Variants in SPATS2L observed in about 807,000 individuals in gnomAD.
The protein encoded by SPATS2L is spermatogenesis associated serine rich 2 like, also known as SPATS2-like protein.
Under a neutral mutation model 59.6 loss-of-function variants are expected in SPATS2L, and 30 were observed. That is an observed-to-expected ratio of 0.50 (90% confidence interval 0.38 to 0.68). The LOEUF is 0.68. SPATS2L is among the 30% of genes least tolerant of loss of function. The pLI, the probability that SPATS2L is intolerant of heterozygous loss-of-function variation, is 0.00. For synonymous variants in SPATS2L, 252 were observed against 263.5 expected, an observed-to-expected ratio of 0.96 and a Z score of 0.42; for missense variants, 615 against 700.0, an observed-to-expected ratio of 0.88 and a Z score of 1.37.
At chr2:200,467,451 A>T (rs529807905) in intron 10 of SPATS2L, 52 bp downstream of exon 10, 18 of 1,303,950 alleles carry the variant, frequency 1.4e-5, no homozygotes, top group Non-Finnish European at 1.1e-5. Flanking sequence ...GCTGATCCCA[A>T]TTATGTTTGT....
chr2:200,306,301 A>T (rs374565413), upstream of SPATS2L: 18 of 1,002,404 alleles, frequency 1.8e-5, no homozygotes, highest in East Asian at 1.0e-3. Flanking sequence ...GGGTAGGAGA[A>T]GATGATTCTC....
chr2:200,322,513 C>T (rs922630045), intron 1 of SPATS2L, among the ~76,000 whole-genome samples: 9 of 152,238 alleles, frequency 5.9e-5, no homozygotes, highest in Non-Finnish European at 4.4e-5. Flanking sequence ...TATAGGTATA[C>T]GAGAGACAAA....
intron 8 of SPATS2L, among the ~76,000 whole-genome samples, chr2:200,443,372 C>G (rs150272281): frequency 6.6e-6 from 1 of 152,256 alleles, no homozygotes; most frequent in Non-Finnish European, 1.5e-5. Context: ...TTAGAGAAAA[C>G]TTTGAGTGAA....
At chr2:200,313,019 T>C (rs1397812906) in intron 1 of SPATS2L, among the ~76,000 whole-genome samples, 1 of 152,210 alleles carries the variant, frequency 6.6e-6, no homozygotes, top group Non-Finnish European at 1.5e-5. Context: ...AAACTGAAGC[T>C]CAGGGAAGTT....
intron 2 of SPATS2L, among the ~76,000 whole-genome samples, chr2:200,331,443 C>T (rs1559044726): frequency 1.3e-5 from 2 of 152,276 alleles, no homozygotes; most frequent in South Asian, 4.1e-4. Flanking sequence ...ATGTTTTTCC[C>T]CCTAGGATTC....
intron 6 of SPATS2L, among the ~76,000 whole-genome samples, chr2:200,429,305 G>GAC (rs1207992749): frequency 2.6e-5 from 4 of 152,180 alleles, no homozygotes; most frequent in Non-Finnish European, 5.9e-5. Context: ...GGTAAAAGAG[G>GAC]ACCATAAGGT....
At chr2:200,407,647 T>C (rs2082733868) in intron 3 of SPATS2L, among the ~76,000 whole-genome samples, 1 of 152,180 alleles carries the variant, frequency 6.6e-6, no homozygotes, top group South Asian at 2.1e-4. Flanking sequence ...ATACCATGAG[T>C]ACCTTATTCT....
intron 3 of SPATS2L, among the ~76,000 whole-genome samples, chr2:200,402,435 T>C (rs1286465936): frequency 1.3e-5 from 2 of 152,222 alleles, no homozygotes; most frequent in African/African-American, 4.8e-5. Flanking sequence ...CACTCAGTCC[T>C]ATCTCTTCAT....
chr2:200,399,312 C>T (rs972655892), intron 3 of SPATS2L, among the ~76,000 whole-genome samples: 3 of 152,092 alleles, frequency 2.0e-5, no homozygotes, highest in African/African-American at 7.2e-5. Context: ...TGAGGGGAGT[C>T]GTGTAGTATT....
intron 2 of SPATS2L, among the ~76,000 whole-genome samples, chr2:200,330,426 T>C (rs963113788): frequency 2.0e-5 from 3 of 152,224 alleles, no homozygotes; most frequent in African/African-American, 7.2e-5. Flanking sequence ...TTGTTTTCCA[T>C]GAATAGAATC....
At chr2:200,325,693 A>T (rs2079714438) in intron 1 of SPATS2L, among the ~76,000 whole-genome samples, 1 of 152,136 alleles carries the variant, frequency 6.6e-6, no homozygotes, top group Non-Finnish European at 1.5e-5. Flanking sequence ...GTAGGAATCT[A>T]ATAATCAAAT....
chr2:200,429,197 A>G (rs1276277495), intron 6 of SPATS2L, among the ~76,000 whole-genome samples: 1 of 152,200 alleles, frequency 6.6e-6, no homozygotes, highest in Non-Finnish European at 1.5e-5. Context: ...GTCAAGATCA[A>G]GTCAGGAGAT....
chr2:200,327,403 C>CA (rs34788019), intron 1 of SPATS2L, among the ~76,000 whole-genome samples: 76,011 of 147,244 alleles, frequency 0.52, 20,353 homozygotes, highest in East Asian at 0.77. Flanking sequence ...GACTCCGTCT[C>CA]AAAAAAAAAA....
intron 1 of SPATS2L, among the ~76,000 whole-genome samples, chr2:200,318,776 C>T (rs937219784): frequency 9.2e-5 from 14 of 152,106 alleles, no homozygotes; most frequent in African/African-American, 2.7e-4. Context: ...ACAATGGAAA[C>T]GGAAAATGGA....
At chr2:200,420,641 A>G (rs935679463) in intron 6 of SPATS2L, among the ~76,000 whole-genome samples, 3 of 152,232 alleles carry the variant, frequency 2.0e-5, no homozygotes, top group African/African-American at 7.2e-5. Context: ...AAAAATTCTT[A>G]GTCAAGTTCT....
At chr2:200,391,176 A>G (rs2082162221) in intron 3 of SPATS2L, among the ~76,000 whole-genome samples, 1 of 152,146 alleles carries the variant, frequency 6.6e-6, no homozygotes, top group South Asian at 2.1e-4. Flanking sequence ...CAAACAAACA[A>G]AAAACCCACA....
chr2:200,347,194 C>A (rs2080542206), intron 2 of SPATS2L, among the ~76,000 whole-genome samples: 1 of 152,192 alleles, frequency 6.6e-6, no homozygotes, highest in Non-Finnish European at 1.5e-5. Context: ...TAATTTCCTA[C>A]CCAGTACCCA....
intron 3 of SPATS2L, among the ~76,000 whole-genome samples, chr2:200,398,067 G>T (rs1389543734): frequency 6.6e-6 from 1 of 152,182 alleles, no homozygotes; most frequent in Admixed American, 6.5e-5. Flanking sequence ...GATGAGGAGT[G>T]TTTAGGCCAA....
At chr2:200,433,805 C>T (rs1028788448) in intron 6 of SPATS2L, among the ~76,000 whole-genome samples, 1 of 151,992 alleles carries the variant, frequency 6.6e-6, no homozygotes, top group African/African-American at 2.4e-5. Context: ...CTATGCTTAC[C>T]AAGGAAATTC....
Sources: allele counts gnomAD v4.1 joint callset (sites outside exome capture counted in the v4.1 genomes callset), GRCh38; gene constraint gnomAD v4.1.1; transcripts MANE v1.5; gene names NCBI Gene and HGNC (gene_info 2026-07-23, HGNC 2026-07-21).